The following FREM2 variants were observed in gnomAD, a reference collection of about 807,000 sequenced individuals.
FREM2 encodes FRAS1 related extracellular matrix 2.
In FREM2, 119 loss-of-function variants were observed where a neutral mutation model predicts 219.9. The ratio of observed to expected loss-of-function variants is 0.54; its 90% CI spans 0.47 to 0.63. FREM2 has a LOEUF of 0.63. FREM2 is among the 30% of genes least tolerant of loss of function. FREM2 has a pLI of 0.00. For synonymous variants in FREM2, 1,562 were observed against 1,522.8 expected, an observed-to-expected ratio of 1.03 and a Z score of -0.60; for missense variants, 4,030 against 3,993.6, an observed-to-expected ratio of 1.01 and a Z score of -0.25.
chr13:38,810,222 T>A (rs532485424), intron 6 of FREM2, among the ~76,000 whole-genome samples: 1 of 141,982 alleles, frequency 7.0e-6, no homozygotes, highest in Non-Finnish European at 1.5e-5. Context: ...TGGTCGAATT[T>A]TTAGGTTTTT....
At chr13:38,877,301 G>A in intron 21 of FREM2, 58 bp downstream of exon 21, 1 of 1,593,832 alleles carries the variant, frequency 6.3e-7, no homozygotes, top group East Asian at 2.2e-5. Context: ...TTTGTGCTTT[G>A]CTTTTTGGGG....
At chr13:38,855,569 G>A (rs945098746) in intron 11 of FREM2, among the ~76,000 whole-genome samples, 1 of 152,078 alleles carries the variant, frequency 6.6e-6, no homozygotes, top group Non-Finnish European at 1.5e-5. Context: ...AGATAAAATC[G>A]GCATTCCTAG....
rs1026826908 is a variant in FREM2, at chr13:38,886,116, A to G, written c.*5329A>G. On this transcript the variant is annotated 3_prime_UTR_variant, in exon 24 of 24. Transcript: ENST00000280481. ...TAAGAATTGTCAGTATTGCACCTCAAGAAAGAAGAAAAAATAAGAATGTAA... is the reference window on the plus strand; with the variant it reads ...TAAGAATTGTCAGTATTGCACCTCAGGAAAGAAGAAAAAATAAGAATGTAA... 3 of 152,190 alleles carry G rather than the reference A, an allele frequency of 2.0e-5. No individual in the cohort carries two copies. The highest frequency in any genetic ancestry group is 7.2e-5 in the African/African-American group (3 of 41,460). 9.4% of individuals were successfully genotyped at this position (152,190 alleles called of 1,614,324 possible).
chr13:38,695,019 G>A (rs1418374593), intron 1 of FREM2, among the ~76,000 whole-genome samples: 1 of 152,052 alleles, frequency 6.6e-6, no homozygotes, highest in African/African-American at 2.4e-5. Context: ...AAAATCTCAT[G>A]GAATAATTTT....
intron 12 of FREM2, among the ~76,000 whole-genome samples, chr13:38,857,243 T>C (rs1458589764): frequency 6.6e-6 from 1 of 152,168 alleles, no homozygotes; most frequent in East Asian, 1.9e-4. Context: ...AACTATGCTA[T>C]GTAGTCAGAT....
At chr13:38,839,764 A>G (rs1389863549) in intron 6 of FREM2, among the ~76,000 whole-genome samples, 1 of 151,970 alleles carries the variant, frequency 6.6e-6, no homozygotes. Flanking sequence ...GTGAGGGGAA[A>G]ACCGCCTACT....
intron 6 of FREM2, among the ~76,000 whole-genome samples, chr13:38,789,476 C>T (rs867490772): frequency 6.7e-6 from 1 of 150,110 alleles, no homozygotes; most frequent in South Asian, 2.1e-4. Context: ...TTTTCCTTTT[C>T]TCTTTCAATT....
At chr13:38,772,722 G>GT (rs1873714762) in intron 4 of FREM2, among the ~76,000 whole-genome samples, 1 of 146,896 alleles carries the variant, frequency 6.8e-6, no homozygotes, top group Non-Finnish European at 1.5e-5. Context: ...TTTAGACGGA[G>GT]TTTCGCTCTC....
rs1490265743 is a variant in FREM2, at chr13:38,783,476, A to T, written c.5767+281A>T. 2.6e-3 allele frequency among the ~76,000 whole-genome samples: 68 copies of T among 26,228 alleles called. 1 individual carries two copies. The highest frequency in any genetic ancestry group is 0.012 in the African/African-American group (66 of 5,410). 17.2% of individuals were successfully genotyped at this position (26,228 alleles called of 152,430 possible). ...CAAGTAGAAATGGGTTACTATATAA[A>T]AAAAAAAAAAAAAAAAAAGAGGCAA... On this transcript the variant is annotated intron_variant, in intron 5 of 23. Coordinates refer to ENST00000280481, the MANE Select transcript of FREM2 (RefSeq NM_207361.6).
chr13:38,778,297 CTG>C (rs1873958806), intron 4 of FREM2, among the ~76,000 whole-genome samples: 1 of 152,182 alleles, frequency 6.6e-6, no homozygotes, highest in Non-Finnish European at 1.5e-5. Flanking sequence ...GAATCCAAGA[CTG>C]GGGTGCCAGT....
chr13:38,693,834 C>G (rs1869999656), intron 1 of FREM2, among the ~76,000 whole-genome samples: 1 of 152,214 alleles, frequency 6.6e-6, no homozygotes, highest in African/African-American at 2.4e-5. Context: ...TGGCTAAAAG[C>G]CTGAATGTCT....
chr13:38,846,043 A>G (rs1252934352), intron 6 of FREM2, among the ~76,000 whole-genome samples: 1 of 152,152 alleles, frequency 6.6e-6, no homozygotes, highest in Non-Finnish European at 1.5e-5. Context: ...TAGCAATCAT[A>G]TATTCAGTCT....
intron 2 of FREM2, among the ~76,000 whole-genome samples, chr13:38,749,516 C>G (rs1364764232): frequency 6.6e-6 from 1 of 152,140 alleles, no homozygotes; most frequent in Non-Finnish European, 1.5e-5. Context: ...ATAACAAGTA[C>G]AGACCACGGT....
chr13:38,848,772 T>A, intron 8 of FREM2, 102 bp downstream of exon 8: 1 of 1,061,680 alleles, frequency 9.4e-7, no homozygotes, highest in South Asian at 1.5e-5. Context: ...TTTGTTTGTT[T>A]GCTAGGGCTT....
chr13:38,859,959 A>T (rs1457485603), intron 14 of FREM2, among the ~76,000 whole-genome samples: 3 of 152,034 alleles, frequency 2.0e-5, no homozygotes, highest in South Asian at 2.1e-4. Context: ...GGAAAGGCTT[A>T]TCAAAGAGGG....
chr13:38,827,461 G>A (rs909082935), intron 6 of FREM2: 1 of 152,064 alleles, frequency 6.6e-6, no homozygotes, highest in Admixed American at 6.6e-5. Flanking sequence ...AACTTGGGAG[G>A]CAGTTGTCAG....
At chr13:38,874,663 T>A in intron 18 of FREM2, 77 bp downstream of exon 18, 1 of 1,143,692 alleles carries the variant, frequency 8.7e-7, no homozygotes, top group Non-Finnish European at 1.3e-6. Flanking sequence ...CATTTCAGCG[T>A]GCTTCTCTGT....
chr13:38,754,892 G>T (rs200368188), intron 2 of FREM2, among the ~76,000 whole-genome samples: 14,369 of 75,568 alleles, frequency 0.19, 882 homozygotes, highest in Middle Eastern at 0.35. Context: ...TGATGATGAT[G>T]ATGATGATGA....
chr13:38,698,450 T>G lies in FREM2; in HGVS notation c.5263+663T>G, dbSNP rs181036559. 1.3e-4 allele frequency among the ~76,000 whole-genome samples: 20 copies of G among 152,300 alleles called. 1 individual carries two copies. Among genetic ancestry groups the G allele is most frequent in the Admixed American group, 8.5e-4 (13 of 15,296 alleles). On this transcript the variant is annotated intron_variant, in intron 2 of 23. Transcript: ENST00000280481. ...TTCTCATTACTCCCCCAGAACTGCC[T>G]GCTGTTTATACTCCTTTCAGCTTTG... is the stretch of plus-strand genomic sequence containing the variant.
Sources: allele counts gnomAD v4.1 joint callset (sites outside exome capture counted in the v4.1 genomes callset), GRCh38; gene constraint gnomAD v4.1.1; transcripts MANE v1.5; gene names NCBI Gene and HGNC (gene_info 2026-07-23, HGNC 2026-07-21).